The following TPRG1 variants were observed in gnomAD, a reference collection of about 807,000 sequenced individuals.
TPRG1 encodes the protein tumor protein p63 regulated 1, also known as tumor protein p63-regulated gene 1 protein.
TPRG1 carries 29 observed loss-of-function variants against 29.3 expected under a neutral mutation model. The observed-to-expected ratio is 0.99, with a 90% CI of 0.74 to 1.35. The LOEUF is 1.35. TPRG1 is among the 40% of genes most tolerant of loss of function. TPRG1 has a pLI of 0.00. For synonymous variants in TPRG1, 130 were observed against 116.8 expected, an observed-to-expected ratio of 1.11 and a Z score of -0.73; for missense variants, 327 against 335.0, an observed-to-expected ratio of 0.98 and a Z score of 0.19.
intron 1 of TPRG1, among the ~76,000 whole-genome samples, chr3:189,110,121 C>T (rs573373356): frequency 2.0e-5 from 3 of 152,216 alleles, no homozygotes; most frequent in East Asian, 1.9e-4. Context: ...CATTTAACTT[C>T]GGTAGAAACT....
chr3:189,252,295 A>G (rs1190420802), intron 4 of TPRG1, among the ~76,000 whole-genome samples: 2 of 152,170 alleles, frequency 1.3e-5, no homozygotes, highest in Non-Finnish European at 1.5e-5. Context: ...ACTTCTTTCT[A>G]CACAGACACA....
intron 1 of TPRG1, among the ~76,000 whole-genome samples, chr3:189,177,100 T>A (rs1186759887): frequency 6.6e-6 from 1 of 152,120 alleles, no homozygotes; most frequent in African/African-American, 2.4e-5. Flanking sequence ...TGGATGAGGA[T>A]GTAGCTGGTT....
intron 1 of TPRG1, among the ~76,000 whole-genome samples, chr3:189,172,848 C>T (rs902584492): frequency 3.3e-5 from 5 of 152,118 alleles, no homozygotes; most frequent in African/African-American, 7.2e-5. Flanking sequence ...GGTTTTAATT[C>T]GGGGCTAAAT....
At chr3:189,130,820 C>T (rs1164869218) in intron 2 of TPRG1, among the ~76,000 whole-genome samples, 7 of 152,212 alleles carry the variant, frequency 4.6e-5, no homozygotes, top group African/African-American at 1.7e-4. Context: ...CTTTCATTTA[C>T]ATTCTTCCTC....
At chr3:189,319,593 G>A (rs973408734) in intron 5 of TPRG1, among the ~76,000 whole-genome samples, 6 of 151,862 alleles carry the variant, frequency 4.0e-5, no homozygotes, top group Non-Finnish European at 8.8e-5. Flanking sequence ...CCAAGCCACC[G>A]TCGTATCTTG....
chr3:189,167,027 G>T (rs910935389), upstream of TPRG1, among the ~76,000 whole-genome samples: 3 of 152,222 alleles, frequency 2.0e-5, no homozygotes, highest in Non-Finnish European at 4.4e-5. Context: ...TGCTCACAGT[G>T]TGAACTGGCC....
intron 3 of TPRG1, among the ~76,000 whole-genome samples, chr3:189,227,398 A>G (rs1431349204): frequency 3.3e-5 from 5 of 152,216 alleles, no homozygotes; most frequent in Non-Finnish European, 5.9e-5. Flanking sequence ...GGGCCACGGC[A>G]GCTGCCCTTC....
At chr3:189,003,208 A>C (rs1712118293) in intron 2 of TPRG1, among the ~76,000 whole-genome samples, 1 of 152,122 alleles carries the variant, frequency 6.6e-6, no homozygotes, top group Admixed American at 6.6e-5. Flanking sequence ...AGGTAGTCGC[A>C]CAGAGAGGGA....
At chr3:189,250,576 T>C (rs1742077720) in intron 4 of TPRG1, among the ~76,000 whole-genome samples, 1 of 142,812 alleles carries the variant, frequency 7.0e-6, no homozygotes, top group African/African-American at 2.6e-5. Flanking sequence ...TTGTTATCTT[T>C]ACTTCTAACT....
At chr3:189,144,511 G>A (rs1331327760) in intron 3 of TPRG1, among the ~76,000 whole-genome samples, 1 of 152,168 alleles carries the variant, frequency 6.6e-6, no homozygotes, top group Non-Finnish European at 1.5e-5. Context: ...GGGTGTAGGT[G>A]TGGGAGTTTC....
rs71169040 is a variant in TPRG1 at position 189,312,117 on chromosome 3, G to GTTTC, written c.633+1642_633+1645dup. On this transcript the variant is annotated intron_variant, in intron 5 of 5. Coordinates refer to ENST00000345063, the MANE Select transcript of TPRG1 (RefSeq NM_198485.4). ...TCTTTGTTTCTTTGTTTCTTTCTTT[G>GTTTC]TTTCTTTCTTTCTTTCTTTCTTTCT... Among the ~76,000 whole-genome samples, 185 of 61,352 alleles carry GTTTC rather than the reference G, an allele frequency of 3.0e-3. 3 individuals are homozygous for GTTTC. Among genetic ancestry groups the GTTTC allele is most frequent in the Non-Finnish European group, 3.4e-3 (101 of 29,524 alleles). The allele number at this position is 61,352 out of a possible 152,430, so 40.2% of individuals were successfully genotyped here.
chr3:189,274,567 G>A (rs944942285), intron 4 of TPRG1, among the ~76,000 whole-genome samples: 7 of 152,070 alleles, frequency 4.6e-5, no homozygotes, highest in African/African-American at 7.2e-5. Flanking sequence ...ATCGAGGGTA[G>A]GGCCCAGATA....
At chr3:189,216,541 A>G (rs1736090110) in intron 3 of TPRG1, among the ~76,000 whole-genome samples, 1 of 152,204 alleles carries the variant, frequency 6.6e-6, no homozygotes, top group African/African-American at 2.4e-5. Context: ...AAATGGAGAT[A>G]ATAGTATGTA....
chr3:189,312,168 TC>T (rs1560689493), intron 5 of TPRG1, among the ~76,000 whole-genome samples: 3,510 of 76,838 alleles, frequency 0.046, 60 homozygotes, highest in Admixed American at 0.12. Context: ...TTTCTTTCTT[TC>T]TTTCTTTCTT....
At chr3:189,251,250 T>A (rs1742205079) in intron 4 of TPRG1, among the ~76,000 whole-genome samples, 1 of 152,204 alleles carries the variant, frequency 6.6e-6, no homozygotes, top group Non-Finnish European at 1.5e-5. Context: ...ATACTGGTAC[T>A]TAATAAAACA....
At chr3:189,253,997 T>C (rs963117360) in intron 4 of TPRG1, among the ~76,000 whole-genome samples, 14 of 151,874 alleles carry the variant, frequency 9.2e-5, no homozygotes, top group Non-Finnish European at 7.4e-5. Context: ...CTGCACTTCT[T>C]GTGCTGTGCA....
At chr3:189,006,426 G>C (rs1342242503) in intron 3 of TPRG1, among the ~76,000 whole-genome samples, 1 of 152,156 alleles carries the variant, frequency 6.6e-6, no homozygotes, top group Non-Finnish European at 1.5e-5. Context: ...GGTGTCCAGA[G>C]GGAGAGACAC....
intron 4 of TPRG1, among the ~76,000 whole-genome samples, chr3:189,298,910 C>G (rs796219707): frequency 1.3e-5 from 2 of 152,268 alleles, no homozygotes; most frequent in East Asian, 3.9e-4. Flanking sequence ...ACCACCCTCT[C>G]GGGCAGACCC....
rs1739938832 is a variant in TPRG1 at position 189,238,582 on chromosome 3, G to T, written c.303-151G>T. The T allele has an allele frequency of 9.2e-6, 5 of 543,328 alleles. No individual in the cohort carries two copies. The East Asian group carries it at 1.5e-4, about 17-fold the overall frequency. The allele number at this position is 543,328 out of a possible 1,614,324, so 33.7% of individuals were successfully genotyped here. ...TTTAGTCATGGGACCAGACTGAGTG[G>T]GGTAGTGGTGTGGTATTAGGTATTT... On this transcript the variant is annotated intron_variant, in intron 3 of 5. Transcript: ENST00000345063.
Sources: allele counts gnomAD v4.1 joint callset (sites outside exome capture counted in the v4.1 genomes callset), GRCh38; gene constraint gnomAD v4.1.1; transcripts MANE v1.5; gene names NCBI Gene and HGNC (gene_info 2026-07-23, HGNC 2026-07-21).